The following TNS1 variants were observed in gnomAD, a reference collection of about 807,000 sequenced individuals.
TNS1 encodes the protein tensin 1, also known as tensin-1.
A neutral mutation model predicts 168.6 loss-of-function variants in TNS1; 62 were observed. The ratio of observed to expected loss-of-function variants is 0.37; its 90% CI spans 0.30 to 0.45. The LOEUF is 0.45. Ranked by LOEUF, TNS1 falls within the 20% of genes least tolerant of loss-of-function variation. The pLI is 1.00. For synonymous variants in TNS1, 934 were observed against 933.2 expected (o/e 1.00, Z -0.02); for missense variants, 2,240 against 2,339.4 (o/e 0.96, Z 0.88).
intron 1 of TNS1, among the ~76,000 whole-genome samples, chr2:218,009,563 C>T (rs1168728872): frequency 1.3e-5 from 2 of 151,936 alleles, no homozygotes; most frequent in Non-Finnish European, 2.9e-5. Context: ...CCCCCATCCT[C>T]TCCCTGTCCA....
At chr2:217,858,858 G>A (rs1948494054) in intron 18 of TNS1, among the ~76,000 whole-genome samples, 2 of 152,070 alleles carry the variant, frequency 1.3e-5, no homozygotes, top group African/African-American at 2.4e-5. Flanking sequence ...CAGCTATGCC[G>A]TTCTTGAATG....
chr2:218,001,716 C>T (rs958910184), intron 1 of TNS1, among the ~76,000 whole-genome samples: 1 of 152,140 alleles, frequency 6.6e-6, no homozygotes, highest in Non-Finnish European at 1.5e-5. Flanking sequence ...CCCAAACCGC[C>T]TCATTCCAGG....
chr2:217,944,473 G>A lies in TNS1; in HGVS notation c.187-24237C>T, dbSNP rs149710717. On this transcript the variant is annotated intron_variant, in intron 3 of 32. Transcript: ENST00000682258. ...GGAGAAGAATGTTTGCTGAGATGGT[G>A]ATGATGATAATAATAATAATATAGC... Among the ~76,000 whole-genome samples the A allele has an allele frequency of 5.0e-3, 764 of 152,368 alleles. 6 individuals are homozygous for A. Among genetic ancestry groups the A allele is most frequent in the Admixed American group, 8.2e-3 (126 of 15,306 alleles).
In TNS1 at chr2:217,835,097, T is replaced by A. The variant is rs1944981931; in HGVS notation, c.3274A>T (p.Ser1092Cys). ...CTTCACAGGGAATTCTTACCCCCAC[T>A]GGGTGGTGGGCTGCTCGGGGAGGTT... ...EGTSPSSPPP[S>C]GVRSPPGLAK... is the part of the protein sequence containing the mutation. The change falls in exon 21 of 33, where the codon AGT becomes TGT. Residue 1092 changes from serine to cysteine, a missense_variant. Transcript: ENST00000682258. 1 of 1,572,742 alleles carries A rather than the reference T, an allele frequency of 6.4e-7. No homozygotes were observed. The highest frequency in any genetic ancestry group is 8.6e-7 in the Non-Finnish European group (1 of 1,165,858).
intron 3 of TNS1, among the ~76,000 whole-genome samples, chr2:217,932,762 CA>C (rs1050951345): frequency 1.3e-5 from 2 of 152,166 alleles, no homozygotes; most frequent in Non-Finnish European, 2.9e-5. Context: ...AACTTTCCAT[CA>C]AAAAAATCCA....
chr2:217,847,344 G>A (rs1183222876), intron 19 of TNS1, among the ~76,000 whole-genome samples, 166 bp downstream of exon 19: 2 of 152,210 alleles, frequency 1.3e-5, no homozygotes, highest in South Asian at 2.1e-4. Flanking sequence ...GTGCCTATCA[G>A]ACAATGAATG....
chr2:217,922,795 A>T (rs1223936243), intron 3 of TNS1, among the ~76,000 whole-genome samples: 1 of 152,140 alleles, frequency 6.6e-6, no homozygotes, highest in Admixed American at 6.5e-5. Flanking sequence ...GCCCCAGCCC[A>T]AGGGCCTGAT....
intron 3 of TNS1, among the ~76,000 whole-genome samples, chr2:217,921,969 G>T (rs1321494115): frequency 1.3e-5 from 2 of 152,212 alleles, no homozygotes; most frequent in East Asian, 3.9e-4. Context: ...TAAGTCCCAA[G>T]ATGACATGTG....
Position 217,825,481 on chromosome 2 carries a change from A to G in TNS1, c.3374-3543T>C, listed in dbSNP as rs549645399. On this transcript the variant is annotated intron_variant, in intron 22 of 32. Coordinates refer to ENST00000682258, the MANE Select transcript of TNS1 (RefSeq NM_001387777.1). ...CTTTTAAGAGTCCATCAACTGTCCT[A>G]GGTTGCTCCATTGGAATGAACCATC... Among the ~76,000 whole-genome samples the G allele has an allele frequency of 2.0e-5, 3 of 152,294 alleles. No individual in the cohort carries two copies. In the South Asian group the frequency reaches 6.2e-4, roughly 32 times the overall value.
chr2:218,019,466 C>T (rs1559413313), intron 1 of TNS1, among the ~76,000 whole-genome samples: 2 of 152,206 alleles, frequency 1.3e-5, no homozygotes, highest in Non-Finnish European at 2.9e-5. Context: ...AATCCTCCTC[C>T]ATGACCACCC....
chr2:217,841,747 G>C (rs1945997412), intron 19 of TNS1, among the ~76,000 whole-genome samples: 1 of 152,074 alleles, frequency 6.6e-6, no homozygotes, highest in African/African-American at 2.4e-5. Context: ...GCCTCTCCCT[G>C]GACCCAGGTA....
chr2:217,980,001 C>T lies in TNS1; in HGVS notation c.149-1199G>A, dbSNP rs541003306. 1.4e-4 allele frequency among the ~76,000 whole-genome samples: 22 copies of T among 152,166 alleles called. No homozygotes were observed. In the South Asian group the frequency reaches 2.5e-3, roughly 17 times the overall value. On this transcript the variant is annotated intron_variant, in intron 2 of 32. Transcript: ENST00000682258. ...TGCCCGGAGCAGCCCAGGGAGGCTC[C>T]GGGGTTCCCCACACTAAGGCTTCTT...
intron 22 of TNS1, among the ~76,000 whole-genome samples, chr2:217,826,211 C>A (rs1943595545): frequency 6.6e-6 from 1 of 152,158 alleles, no homozygotes; most frequent in African/African-American, 2.4e-5. Context: ...CTCATGAACC[C>A]AGAGCGGGAA....
Position 217,832,233 on chromosome 2 carries a change from G to A in TNS1, c.3281-686C>T, listed in dbSNP as rs144155357. On this transcript the variant is annotated intron_variant, in intron 21 of 32. Coordinates refer to ENST00000682258, the MANE Select transcript of TNS1 (RefSeq NM_001387777.1). ...AAGGAGGAGAAGCCTATAGTCTGTG[G>A]CCAAGAGCACCCACTCCCTATGCGA... Among the ~76,000 whole-genome samples, 8 of 152,344 alleles carry A rather than the reference G, an allele frequency of 5.3e-5. No individual in the cohort carries two copies. In the East Asian group the frequency reaches 1.5e-3, roughly 29 times the overall value.
intron 1 of TNS1, among the ~76,000 whole-genome samples, chr2:217,997,817 T>C (rs1357128434): frequency 6.6e-6 from 1 of 152,210 alleles, no homozygotes; most frequent in Non-Finnish European, 1.5e-5. Context: ...GGTGAGCGAT[T>C]CGTGTTGTCT....
At chr2:217,819,751 A>G (rs1237313200) in intron 23 of TNS1, among the ~76,000 whole-genome samples, 3 of 152,112 alleles carry the variant, frequency 2.0e-5, no homozygotes, top group Non-Finnish European at 4.4e-5. Context: ...CTATCCAACT[A>G]TGGTGAGAGA....
At chr2:217,871,278 C>T (rs1949750012) in intron 18 of TNS1, among the ~76,000 whole-genome samples, 1 of 152,192 alleles carries the variant, frequency 6.6e-6, no homozygotes, top group Non-Finnish European at 1.5e-5. Flanking sequence ...CTTTCAGTAG[C>T]AGCTTTGAAT....
intron 3 of TNS1, among the ~76,000 whole-genome samples, chr2:217,929,484 C>T (rs538017022): frequency 6.6e-6 from 1 of 152,218 alleles, no homozygotes; most frequent in South Asian, 2.1e-4. Context: ...TGAGAGGGTC[C>T]CCGCAATAGC....
upstream of TNS1, among the ~76,000 whole-genome samples, chr2:218,007,487 G>A (rs1431253169): frequency 6.7e-6 from 1 of 149,426 alleles, no homozygotes; most frequent in Non-Finnish European, 1.5e-5. Context: ...CCCAGGACTA[G>A]GGGCTATGCT....
Sources: gnomAD v4.1 joint callset for allele counts (sites outside exome capture counted in the v4.1 genomes callset) on GRCh38, gnomAD v4.1.1 for gene constraint, MANE v1.5 for transcripts, NCBI Gene and HGNC (gene_info 2026-07-23, HGNC 2026-07-21) for gene names.